MAPK15: variants seen among roughly 807,000 people sequenced by gnomAD.
The protein encoded by MAPK15 is ERK-7.
MAPK15 carries 61 observed loss-of-function variants against 60.8 expected under a neutral mutation model. The observed-to-expected ratio is 1.00, with a 90% CI of 0.82 to 1.24. The LOEUF (loss-of-function observed/expected upper bound fraction) is 1.24. Ranked by LOEUF, MAPK15 falls within the 50% of genes most tolerant of loss-of-function variation. MAPK15 has a pLI of 0.00. For synonymous variants in MAPK15, 356 were observed against 319.9 expected (o/e 1.11, Z -1.21); for missense variants, 808 against 741.1 (o/e 1.09, Z -1.05).
rs1554619582 is a variant in MAPK15, at chr8:143,720,884, G to T, written c.917+44G>T. The T allele has an allele frequency of 6.3e-7, 1 of 1,597,554 alleles. No homozygotes were observed. On this transcript the variant is annotated intron_variant, in intron 9 of 13. Transcript: ENST00000338033. The surrounding 1 kb of genome is among the most constrained non-coding windows in gnomAD (Gnocchi z 4.6). The stretch of plus-strand genomic sequence containing the variant: ...CCCCCAAGTGCGGGGGGACAGAGGT[G>T]GGGGCAGGAGAGAGCCAGCCCATGA...
chr8:143,722,202 G>A lies in MAPK15; in HGVS notation c.1586G>A (p.Cys529Tyr). Residue 529 changes from cysteine (C) to tyrosine (Y), a missense_variant, in exon 14 of 14, where the codon TGC becomes TAC. Cys to Tyr is a radical substitution (Grantham distance 194). Coordinates refer to ENST00000338033, the MANE Select transcript of MAPK15 (RefSeq NM_139021.3). The part of the protein sequence containing the change: ...GGYSQAYGTV[C>Y]HSALGHLPLL... The stretch of plus-strand genomic sequence containing the variant: ...TACTCCCAAGCCTACGGGACTGTCT[G>A]CCACTCGGCACTGGGCCACCTGCCC... 6.2e-7 allele frequency: 1 copy of A among 1,607,242 alleles called. No individual in the cohort carries two copies. The highest frequency in any genetic ancestry group is 1.1e-5 in the South Asian group (1 of 90,642).
In MAPK15 at chr8:143,721,636, C is replaced by G; in HGVS notation, c.1292C>G (p.Pro431Arg). 1 of 1,610,602 alleles carries G rather than the reference C, an allele frequency of 6.2e-7. No homozygotes were observed. Among genetic ancestry groups the G allele is most frequent in the Non-Finnish European group, 8.5e-7 (1 of 1,178,090 alleles). Reference sequence around the variant, plus strand: ...CTCCTAGGGAATGGGGAAAGGCCCCCTGGGGCGAAGGAAGCGCCCCCCTTG... The same window carrying G: ...CTCCTAGGGAATGGGGAAAGGCCCCGTGGGGCGAAGGAAGCGCCCCCCTTG... The part of the protein sequence containing the change: ...TALLGNGERP[P>R]GAKEAPPLTL... Residue 431 changes from proline to arginine, a missense_variant, in exon 12 of 14, where the codon CCT (proline) becomes CGT (arginine). Physicochemically the swap from Pro to Arg is moderately radical, Grantham distance 103. Coordinates refer to ENST00000338033, the MANE Select transcript of MAPK15 (RefSeq NM_139021.3).
rs1818091866 is a variant in MAPK15, at chr8:143,721,886, C to A, written c.1458+6C>A. ...GGGTGGCCAGCGTACAACAGGTAAG[C>A]CCGGCCCAGTCTGCCCCCGTCCCCT... On this transcript the variant is annotated splice_donor_region_variant and intron_variant, in intron 13 of 13. Coordinates refer to ENST00000338033, the MANE Select transcript of MAPK15 (RefSeq NM_139021.3). 5 of 1,568,840 alleles carry A rather than the reference C, an allele frequency of 3.2e-6. No homozygotes were observed. Among genetic ancestry groups the A allele is most frequent in the Non-Finnish European group, 4.3e-6 (5 of 1,157,950 alleles).
rs374408984 is a variant in MAPK15 at position 143,721,258 on chromosome 8, G to A, written c.1051G>A (p.Gly351Ser). Residue 351 changes from glycine to serine, a missense_variant, in exon 11 of 14, where the codon GGC becomes AGC. Transcript: ENST00000338033. ...QMILECGGSSGTSREKGPEGV... is the reference protein window; with the variant it reads ...QMILECGGSSSTSREKGPEGV... ...GATCCTGGAGTGTGGAGGCAGCAGC[G>A]GCACCTCGAGAGAGAAGGGCCCGGA... is the stretch of plus-strand genomic sequence containing the variant. 36 of 1,612,404 alleles carry A rather than the reference G, an allele frequency of 2.2e-5. No homozygotes were observed. The African/African-American group carries it at 3.2e-4, about 14-fold the overall frequency.
chr8:143,720,639 C>T lies in MAPK15; in HGVS notation c.780-64C>T, dbSNP rs752561525. 2.7e-5 allele frequency: 42 copies of T among 1,554,672 alleles called. No homozygotes were observed. Among genetic ancestry groups the T allele is most frequent in the South Asian group, 2.1e-4 (18 of 84,252 alleles). ...AGTTTGGAAGCTGAGCCCCCAGCCA[C>T]GAACATGGATCTGAGGAGGGGCCCT... On this transcript the variant is annotated intron_variant, in intron 8 of 13. Transcript: ENST00000338033. This position sits in a 1 kb window ranked among gnomAD's most constrained non-coding sequence, Gnocchi z 4.6.
intron 4 of MAPK15, chr8:143,718,553 T>G: frequency 1.6e-6 from 1 of 629,116 alleles, no homozygotes; most frequent in Non-Finnish European, 2.8e-6. Context: ...GTTCTCCTTT[T>G]TCTTCTCATT....
rs1817888257 is a variant in MAPK15 at position 143,718,222 on chromosome 8, AC to A, written c.208del (p.His70IlefsTer10). On this transcript the variant is annotated frameshift_variant, in exon 4 of 14. Transcript: ENST00000338033. LOFTEE classifies it high-confidence loss of function. The stretch of plus-strand genomic sequence containing the variant: ...CGACTCTCTCCCCAGGAGTTTGGGG[AC>A]CATCCCAACATCATCAGCCTCCTTG... Reference protein sequence around the residue: ...REITLLQEFGDHPNIISLLDV... With the variant: ...REITLLQEFGXHPNIISLLDV... 4 of 1,613,946 alleles carry A rather than the reference AC, an allele frequency of 2.5e-6. No individual in the cohort carries two copies. Among genetic ancestry groups the A allele is most frequent in the South Asian group, 1.1e-5 (1 of 91,084 alleles).
Position 143,716,457 on chromosome 8 carries a change from G to A in MAPK15, c.66+14G>A. The A allele has an allele frequency of 6.3e-7, 1 of 1,592,300 alleles. No homozygotes were observed. The highest frequency in any genetic ancestry group is 1.4e-5 in the African/African-American group (1 of 72,902). On this transcript the variant is annotated intron_variant, in intron 1 of 13. Transcript: ENST00000338033. ...CTCGGGCAGGGGGTGAGTGCCTGGG[G>A]GTGCGTCCGCGCGCCGAGGGGCGCG...
chr8:143,718,714 C>CT, intron 4 of MAPK15, 61 bp from the exon 5 acceptor site: 1 of 907,326 alleles, frequency 1.1e-6, no homozygotes, highest in Non-Finnish European at 1.7e-6. Flanking sequence ...CCCTCTCCCA[C>CT]TCCCCCCAGG....
At chr8:143,721,938 C>A in intron 13 of MAPK15, 58 bp downstream of exon 13, 1 of 1,522,820 alleles carries the variant, frequency 6.6e-7, no homozygotes, top group Non-Finnish European at 8.8e-7. Flanking sequence ...TTCCCCTTCC[C>A]CCCTGCTTTT....
rs1554619639 is a variant in MAPK15, at chr8:143,721,040, G to A, written c.958G>A (p.Val320Met). 2.5e-6 allele frequency: 4 copies of A among 1,612,072 alleles called. No individual in the cohort carries two copies. Among genetic ancestry groups the A allele is most frequent in the South Asian group, 1.1e-5 (1 of 91,038 alleles). Residue 320 changes from valine (V) to methionine (M), a missense_variant, in exon 10 of 14, where the codon GTG becomes ATG. Coordinates refer to ENST00000338033, the MANE Select transcript of MAPK15 (RefSeq NM_139021.3). ...CGACGAGTGGGCACGAGAGGCAGAT[G>A]TGCGGCCCCGGGCACACGAAGGGGT... ...PSDEWAREAD[V>M]RPRAHEGVQL...
Position 143,720,549 on chromosome 8 carries a change from G to A in MAPK15, c.780-154G>A, listed in dbSNP as rs1554619468. On this transcript the variant is annotated intron_variant, in intron 8 of 13. Coordinates refer to ENST00000338033, the MANE Select transcript of MAPK15 (RefSeq NM_139021.3). The surrounding 1 kb of genome is among the most constrained non-coding windows in gnomAD (Gnocchi z 4.6). ...CGCAGGGGTCTCTCCACCCTGCAGGGGCCCAGACTGCCTGCAGGTCAGGCA... is the reference window on the plus strand; with the variant it reads ...CGCAGGGGTCTCTCCACCCTGCAGGAGCCCAGACTGCCTGCAGGTCAGGCA... 5 of 1,467,698 alleles carry A rather than the reference G, an allele frequency of 3.4e-6. No homozygotes were observed. The highest frequency in any genetic ancestry group is 4.5e-6 in the Non-Finnish European group (5 of 1,105,680). 90.9% of individuals were successfully genotyped at this position (1,467,698 alleles called of 1,614,324 possible).
rs573824945 is a variant in MAPK15 at position 143,720,832 on chromosome 8, C to T, written c.909C>T (p.Tyr303=). 24 of 1,612,428 alleles carry T rather than the reference C, an allele frequency of 1.5e-5. No individual in the cohort carries two copies. Among genetic ancestry groups the T allele is most frequent in the South Asian group, 7.7e-5 (7 of 91,062 alleles). The change falls in exon 9 of 14, where the codon TAC becomes TAT. Residue 303 remains tyrosine (Y), a synonymous_variant. Coordinates refer to ENST00000338033, the MANE Select transcript of MAPK15 (RefSeq NM_139021.3). This position sits in a 1 kb window ranked among gnomAD's most constrained non-coding sequence, Gnocchi z 4.6. ...LSATQALQHP[Y]VQRFHCPSDE... ...CGACCCAGGCACTGCAGCACCCCTA[C>T]GTGCAGAGGTGGGGGTGGGAGAGAG...
rs894813126 is a variant in MAPK15, at chr8:143,718,812, G to A, written c.324G>A (p.Leu108=). ...ACGCAGTCATCCGGAAGGGCGGCCT[G>A]CTGCAGGACGTCCACGTGCGCTCCA... ...DLNAVIRKGG[L]LQDVHVRSIF... is the part of the protein sequence containing the mutation. Residue 108 remains leucine, a synonymous_variant, in exon 5 of 14, where the codon CTG becomes CTA. Coordinates refer to ENST00000338033, the MANE Select transcript of MAPK15 (RefSeq NM_139021.3). The A allele has an allele frequency of 8.7e-6, 14 of 1,610,992 alleles. No homozygotes were observed. Among genetic ancestry groups the A allele is most frequent in the Non-Finnish European group, 1.1e-5 (13 of 1,179,706 alleles).
intron 1 of MAPK15, among the ~76,000 whole-genome samples, 171 bp from the exon 2 acceptor site, chr8:143,717,520 CCCT>C (rs1251191185): frequency 6.6e-6 from 1 of 152,192 alleles, no homozygotes; most frequent in African/African-American, 2.4e-5. Flanking sequence ...CCTCTACCTC[CCCT>C]CCTCTGGAAG....
chr8:143,721,410 C>T lies in MAPK15; in HGVS notation c.1203C>T (p.His401=), dbSNP rs201573280. The T allele has an allele frequency of 1.0e-4, 165 of 1,610,282 alleles. No individual in the cohort carries two copies. Among genetic ancestry groups the T allele is most frequent in the African/African-American group, 2.3e-4 (17 of 74,838 alleles). The part of the protein sequence containing the change: ...QSSPGHDPAE[H]ESPRAAKNVP... The stretch of plus-strand genomic sequence containing the variant: ...GCCCAGGCCATGACCCTGCCGAGCA[C>T]GGTGTGTGATCTTTGCTGGCCGCCC... The change falls in exon 11 of 14, where the codon CAC becomes CAT. Residue 401 remains histidine (H), a splice_region_variant and synonymous_variant. Coordinates refer to ENST00000338033, the MANE Select transcript of MAPK15 (RefSeq NM_139021.3).
Position 143,718,172 on chromosome 8 carries a change from C to A in MAPK15, c.196-40C>A, listed in dbSNP as rs782168631. On this transcript the variant is annotated intron_variant, in intron 3 of 13. Transcript: ENST00000338033. ...GGCCTTCTTGGGCCCCAGAGCACAG[C>A]CCCTCCTGGCCTTCCAGCCGCCTCC... 3.7e-6 allele frequency: 6 copies of A among 1,612,378 alleles called. No individual in the cohort carries two copies. The Admixed American group carries it at 5.0e-5, about 13-fold the overall frequency.
At chr8:143,718,413 G>C in intron 4 of MAPK15, 111 bp downstream of exon 4, 1 of 993,914 alleles carries the variant, frequency 1.0e-6, no homozygotes, top group Non-Finnish European at 1.6e-6. Context: ...GGCCCACAGT[G>C]GCTTGCTCCC....
At chr8:143,718,022 C>T (rs782589433) in intron 2 of MAPK15, 25 bp from the exon 3 acceptor site, 2 of 1,614,064 alleles carry the variant, frequency 1.2e-6, no homozygotes, top group Non-Finnish European at 1.7e-6. Context: ...CACCCACCCA[C>T]ACACCTGTGT....
Sources: allele counts gnomAD v4.1 joint callset (sites outside exome capture counted in the v4.1 genomes callset), GRCh38; gene constraint gnomAD v4.1.1; non-coding constraint Gnocchi (gnomAD v3.1); transcripts MANE v1.5; gene names NCBI Gene and HGNC (gene_info 2026-07-23, HGNC 2026-07-21).